AGAP1: variants seen among roughly 807,000 people sequenced by gnomAD.
The protein encoded by AGAP1 is arf-GAP with GTPase, ANK repeat and PH domain-containing protein 1.
AGAP1 carries 29 observed loss-of-function variants against 105.3 expected under a neutral mutation model. The observed-to-expected ratio is 0.28, with a 90% CI of 0.21 to 0.38. The LOEUF (loss-of-function observed/expected upper bound fraction) is 0.38. Ranked by LOEUF, AGAP1 falls within the 10% of genes least tolerant of loss-of-function variation. The pLI, the probability that AGAP1 is intolerant of heterozygous loss-of-function variation, is 1.00. For synonymous variants in AGAP1, 509 were observed against 485.9 expected, an observed-to-expected ratio of 1.05 and a Z score of -0.63; for missense variants, 998 against 1,165.1, an observed-to-expected ratio of 0.86 and a Z score of 2.09.
In AGAP1 at chr2:236,044,355, C is replaced by A. The variant is rs985651362; in HGVS notation, c.1891+3514C>A. ...CCCCTGAGAATCCTAGGGCTTGGGA[C>A]CCTCAGTGGCTCTCACCAGCAGGTC... On this transcript the variant is annotated intron_variant, in intron 15 of 17. Coordinates refer to ENST00000304032, the MANE Select transcript of AGAP1 (RefSeq NM_001037131.3). This position sits in a 1 kb window ranked among gnomAD's most constrained non-coding sequence, Gnocchi z 5.7. Among the ~76,000 whole-genome samples, 2 of 152,106 alleles carry A rather than the reference C, an allele frequency of 1.3e-5. No individual in the cohort carries two copies. Among genetic ancestry groups the A allele is most frequent in the Non-Finnish European group, 2.9e-5 (2 of 68,006 alleles).
intron 1 of AGAP1, among the ~76,000 whole-genome samples, chr2:235,668,191 TAAATA>T (rs1308423712): frequency 6.6e-6 from 1 of 152,148 alleles, no homozygotes; most frequent in Non-Finnish European, 1.5e-5. Context: ...CCTTTCAAGA[TAAATA>T]AAGTGAATCA....
At chr2:235,534,454 C>T (rs1033899244) in intron 1 of AGAP1, among the ~76,000 whole-genome samples, 4 of 152,114 alleles carry the variant, frequency 2.6e-5, no homozygotes, top group Admixed American at 6.5e-5. Flanking sequence ...GCATGCAGTG[C>T]CCGAGGATGG....
intron 9 of AGAP1, among the ~76,000 whole-genome samples, chr2:235,825,503 TATC>T (rs1159566285): frequency 6.6e-6 from 1 of 152,232 alleles, no homozygotes; most frequent in African/African-American, 2.4e-5. Context: ...TGCATATAAA[TATC>T]ATTATGCTTT....
intron 9 of AGAP1, among the ~76,000 whole-genome samples, chr2:235,878,633 G>T (rs1360476902): frequency 6.6e-6 from 1 of 152,158 alleles, no homozygotes; most frequent in African/African-American, 2.4e-5. Context: ...AACAGAAACC[G>T]CTTCCTCTGG....
intron 11 of AGAP1, among the ~76,000 whole-genome samples, chr2:235,925,700 G>C (rs1227131775): frequency 6.6e-6 from 1 of 152,148 alleles, no homozygotes; most frequent in Non-Finnish European, 1.5e-5. Flanking sequence ...TTGACTGTCG[G>C]CGGCCACGTG....
Position 235,665,564 on chromosome 2 carries a change from A to G in AGAP1, c.164-43615A>G, listed in dbSNP as rs1948099861. ...ATCTTAGCTTAGAAACCATTCTACC[A>G]TGACATTCTCAGATGAGAATTTGAG... On this transcript the variant is annotated intron_variant, in intron 1 of 17. Transcript: ENST00000304032. The surrounding 1 kb of genome is among the most constrained non-coding windows in gnomAD (Gnocchi z 5.3). 6.6e-6 allele frequency among the ~76,000 whole-genome samples: 1 copy of G among 152,246 alleles called. No individual in the cohort carries two copies. Among genetic ancestry groups the G allele is most frequent in the African/African-American group, 2.4e-5 (1 of 41,470 alleles).
intron 11 of AGAP1, among the ~76,000 whole-genome samples, chr2:235,913,819 A>G (rs1018339129): frequency 3.3e-5 from 5 of 152,220 alleles, no homozygotes; most frequent in African/African-American, 1.2e-4. Flanking sequence ...AATAATAAAA[A>G]TAATTCTATC....
chr2:235,666,166 G>A (rs989895899), intron 1 of AGAP1, among the ~76,000 whole-genome samples: 2 of 151,872 alleles, frequency 1.3e-5, no homozygotes, highest in Admixed American at 6.6e-5. Flanking sequence ...GGCATTACCC[G>A]GCTGCTGTTT....
At position 235,662,798 on chromosome 2, in the gene AGAP1, G is replaced by A. The variant is rs537054831; in HGVS notation, c.164-46381G>A. Among the ~76,000 whole-genome samples the A allele has an allele frequency of 1.9e-4, 29 of 152,330 alleles. No homozygotes were observed. Among genetic ancestry groups the A allele is most frequent in the Non-Finnish European group, 3.4e-4 (23 of 68,026 alleles). ...CCTGTGTCCCTCATCCCCTTGCTCCGCTGCAAGAACCCCTCACCCTGCTCA... is the reference window on the plus strand; with the variant it reads ...CCTGTGTCCCTCATCCCCTTGCTCCACTGCAAGAACCCCTCACCCTGCTCA... On this transcript the variant is annotated intron_variant, in intron 1 of 17. Coordinates refer to ENST00000304032, the MANE Select transcript of AGAP1 (RefSeq NM_001037131.3). The surrounding 1 kb of genome is among the most constrained non-coding windows in gnomAD (Gnocchi z 4.2).
At position 235,543,950 on chromosome 2, in the gene AGAP1, C is replaced by T. The variant is rs141650459; in HGVS notation, c.163+49101C>T. Among the ~76,000 whole-genome samples, 36 of 152,208 alleles carry T rather than the reference C, an allele frequency of 2.4e-4. 1 individual carries two copies. The highest frequency in any genetic ancestry group is 7.7e-4 in the African/African-American group (32 of 41,544). ...GGGCTTGCGGCAGATAGGAAGAGTTCTCTCTCTGCCGCCTGTGCCCAGGCC... is the reference window on the plus strand; with the variant it reads ...GGGCTTGCGGCAGATAGGAAGAGTTTTCTCTCTGCCGCCTGTGCCCAGGCC... On this transcript the variant is annotated intron_variant, in intron 1 of 17. Coordinates refer to ENST00000304032, the MANE Select transcript of AGAP1 (RefSeq NM_001037131.3).
intron 1 of AGAP1, among the ~76,000 whole-genome samples, chr2:235,503,410 G>A (rs1941651807): frequency 6.6e-6 from 1 of 152,152 alleles, no homozygotes; most frequent in Non-Finnish European, 1.5e-5. Flanking sequence ...CCTGCTGGAA[G>A]TTCAGCCTGG....
intron 1 of AGAP1, among the ~76,000 whole-genome samples, chr2:235,650,698 C>T (rs947689309): frequency 6.6e-5 from 10 of 152,164 alleles, no homozygotes; most frequent in Non-Finnish European, 1.2e-4. Context: ...ATGTCAAAAA[C>T]GTACCAATTT....
Position 235,750,757 on chromosome 2 carries a change from G to C in AGAP1, c.673+269G>C, listed in dbSNP as rs1953358307. 6.6e-6 allele frequency among the ~76,000 whole-genome samples: 1 copy of C among 152,152 alleles called. No individual in the cohort carries two copies. Among genetic ancestry groups the C allele is most frequent in the East Asian group, 1.9e-4 (1 of 5,198 alleles). On this transcript the variant is annotated intron_variant, in intron 6 of 17. Transcript: ENST00000304032. The surrounding 1 kb of genome is among the most constrained non-coding windows in gnomAD (Gnocchi z 5.3). ...TCCTATGGGGCCTTTTTGTGTACAG[G>C]ATAGAACATTTCTTGAGCTGTTACT...
At chr2:235,702,934 G>GTTTTTTTTTTTTTTTTTTTTTTTT (rs549844265) in intron 1 of AGAP1, among the ~76,000 whole-genome samples, 1,625 of 88,754 alleles carry the variant, frequency 0.018, 381 homozygotes, top group East Asian at 0.062. Flanking sequence ...AGTTTTCTTG[G>GTTTTTTTTTTTTTTTTTTTTTTTT]TTTTTTTTTT....
rs891478083 is a variant in AGAP1 at position 235,611,505 on chromosome 2, T to A, written c.164-97674T>A. Among the ~76,000 whole-genome samples, 1 of 152,204 alleles carries A rather than the reference T, an allele frequency of 6.6e-6. No homozygotes were observed. The highest frequency in any genetic ancestry group is 1.5e-5 in the Non-Finnish European group (1 of 68,024). On this transcript the variant is annotated intron_variant, in intron 1 of 17. Transcript: ENST00000304032. This position sits in a 1 kb window ranked among gnomAD's most constrained non-coding sequence, Gnocchi z 5.0. ...ATAACATGGGGTGGGTGGTTCTGATTCCTGTTTTGAGGTGGTGATTTATGA... is the reference window on the plus strand; with the variant it reads ...ATAACATGGGGTGGGTGGTTCTGATACCTGTTTTGAGGTGGTGATTTATGA...
At position 236,036,467 on chromosome 2, in the gene AGAP1, A is replaced by G. The variant is rs2057385463; in HGVS notation, c.1646-94A>G. ...GCGCCTCACCGGTCCATGCAGGGGC[A>G]GCTGAACCCAGAGGCGCTTCTGTGA... On this transcript the variant is annotated intron_variant, in intron 13 of 17. Coordinates refer to ENST00000304032, the MANE Select transcript of AGAP1 (RefSeq NM_001037131.3). The surrounding 1 kb of genome is among the most constrained non-coding windows in gnomAD (Gnocchi z 5.7). 3 of 1,505,976 alleles carry G rather than the reference A, an allele frequency of 2.0e-6. No individual in the cohort carries two copies. The highest frequency in any genetic ancestry group is 3.8e-5 in the Admixed American group (2 of 52,646). 93.3% of individuals were successfully genotyped at this position (1,505,976 alleles called of 1,614,324 possible).
intron 1 of AGAP1, among the ~76,000 whole-genome samples, chr2:235,637,295 C>G (rs758124986): frequency 6.6e-6 from 1 of 152,008 alleles, no homozygotes; most frequent in Non-Finnish European, 1.5e-5. Flanking sequence ...AAAGACAGAG[C>G]CTTACTCTGT....
chr2:236,029,192 T>TTTG (rs1553549907), intron 13 of AGAP1, among the ~76,000 whole-genome samples: 4 of 152,078 alleles, frequency 2.6e-5, no homozygotes, highest in African/African-American at 9.6e-5. Flanking sequence ...AGTTTTTTTT[T>TTTG]TTTGTTTACA....
In AGAP1 at chr2:235,644,824, C is replaced by T. The variant is rs530556093; in HGVS notation, c.164-64355C>T. 1.1e-4 allele frequency among the ~76,000 whole-genome samples: 16 copies of T among 152,108 alleles called. No homozygotes were observed. In the South Asian group the frequency reaches 2.7e-3, roughly 26 times the overall value. ...TAGCAATATTATGGTGTGTCAGCTT[C>T]GCTGTCTTTCAAGGATGACTTGCGT... On this transcript the variant is annotated intron_variant, in intron 1 of 17. Transcript: ENST00000304032.
Sources: gnomAD v4.1 joint callset for allele counts (sites outside exome capture counted in the v4.1 genomes callset) on GRCh38, gnomAD v4.1.1 for gene constraint, Gnocchi (gnomAD v3.1) non-coding constraint, MANE v1.5 for transcripts, NCBI Gene and HGNC (gene_info 2026-07-23, HGNC 2026-07-21) for gene names.